LIN28B: variants seen among roughly 807,000 people sequenced by gnomAD.
LIN28B encodes protein lin-28 homolog B.
In LIN28B, 5 loss-of-function variants were observed where a neutral mutation model predicts 21.9. The ratio of observed to expected loss-of-function variants is 0.23; its 90% CI spans 0.12 to 0.48. The LOEUF (loss-of-function observed/expected upper bound fraction) is 0.48. Among genes scored for constraint, LIN28B ranks in the 20% least tolerant of loss-of-function variants. LIN28B has a pLI of 0.98. For missense variants in LIN28B, 245 were observed against 310.5 expected, an observed-to-expected ratio of 0.79 and a Z score of 1.58; for synonymous variants, 109 against 111.3, an observed-to-expected ratio of 0.98 and a Z score of 0.13.
rs548561695 is a variant in LIN28B, at chr6:104,969,505, C to G, written c.198+11219C>G. ...TCTTTATATTGGACATGTATAAAGC[C>G]TGCAGTATAAAAATGGGCACAATAG... On this transcript the variant is annotated intron_variant, in intron 2 of 3. Coordinates refer to ENST00000345080, the MANE Select transcript of LIN28B (RefSeq NM_001004317.4). Among the ~76,000 whole-genome samples the G allele has an allele frequency of 4.6e-5, 7 of 152,244 alleles. No homozygotes were observed. The East Asian group carries it at 1.3e-3, about 29-fold the overall frequency.
rs150565414 is a variant in LIN28B, at chr6:104,950,658, C to A, written c.67+149C>A. 8.3e-4 allele frequency: 343 copies of A among 414,318 alleles called. 1 individual carries two copies. The highest frequency in any genetic ancestry group is 6.3e-3 in the African/African-American group (308 of 48,974). 25.7% of individuals were successfully genotyped at this position (414,318 alleles called of 1,614,324 possible). On this transcript the variant is annotated intron_variant, in intron 3 of 5. Coordinates refer to the LIN28B transcript ENST00000635857. ...ACAGGTACCAAGTCCTCCTATACTT[C>A]GTCCTGATCACTCCATCTAAAAAAC... is the stretch of plus-strand genomic sequence containing the variant.
At chr6:104,998,179 T>G (rs1328409781) in intron 2 of LIN28B, among the ~76,000 whole-genome samples, 2 of 152,222 alleles carry the variant, frequency 1.3e-5, no homozygotes, top group Admixed American at 1.3e-4. Context: ...AAGAAGTGTT[T>G]CATGTTATAA....
chr6:105,016,027 A>C (rs553551636), intron 2 of LIN28B, among the ~76,000 whole-genome samples: 1 of 152,292 alleles, frequency 6.6e-6, no homozygotes, highest in Admixed American at 6.5e-5. Flanking sequence ...TCTACTTGAA[A>C]TATAGTATTA....
chr6:105,025,868 T>G (rs1771277318), intron 2 of LIN28B, among the ~76,000 whole-genome samples: 1 of 152,118 alleles, frequency 6.6e-6, no homozygotes, highest in African/African-American at 2.4e-5. Context: ...CATGTAGAAC[T>G]AATAAAACTT....
chr6:105,025,917 TTAA>T (rs751606118), intron 2 of LIN28B, among the ~76,000 whole-genome samples: 2 of 152,112 alleles, frequency 1.3e-5, no homozygotes, highest in Non-Finnish European at 1.5e-5. Context: ...TGCTATTATA[TTAA>T]TAATTTATTT....
chr6:105,052,215 G>A (rs541305230), intron 3 of LIN28B, among the ~76,000 whole-genome samples: 1 of 152,294 alleles, frequency 6.6e-6, no homozygotes, highest in Non-Finnish European at 1.5e-5. Flanking sequence ...CAAGATTAGG[G>A]CTGAGAAATT....
chr6:104,981,261 T>C (rs988924377), intron 2 of LIN28B, among the ~76,000 whole-genome samples: 9 of 152,170 alleles, frequency 5.9e-5, no homozygotes, highest in African/African-American at 2.2e-4. Context: ...CTCTTTCTGG[T>C]GTTAAAAGCT....
intron 3 of LIN28B, among the ~76,000 whole-genome samples, chr6:105,028,526 A>T (rs1582905264): frequency 6.6e-6 from 1 of 152,190 alleles, no homozygotes; most frequent in African/African-American, 2.4e-5. Context: ...GGAAGAGACC[A>T]TAGAATTTAC....
At chr6:105,038,823 A>C (rs145637470) in intron 3 of LIN28B, among the ~76,000 whole-genome samples, 15 of 152,326 alleles carry the variant, frequency 9.8e-5, no homozygotes, top group Non-Finnish European at 2.1e-4. Flanking sequence ...AAAAATATTC[A>C]CTGAAAAACT....
chr6:105,027,363 G>C (rs752651605), intron 3 of LIN28B, among the ~76,000 whole-genome samples: 4 of 152,014 alleles, frequency 2.6e-5, no homozygotes, highest in Non-Finnish European at 5.9e-5. Context: ...GTAGCTCATT[G>C]TTTGTTTGTG....
At chr6:104,967,547 C>T (rs1189130502) in intron 2 of LIN28B, among the ~76,000 whole-genome samples, 2 of 121,380 alleles carry the variant, frequency 1.6e-5, no homozygotes, top group South Asian at 5.4e-4. Flanking sequence ...TGCCATTGCA[C>T]TCCAGGCGAC....
At chr6:104,974,168 AGTT>A (rs1406463519) in intron 2 of LIN28B, among the ~76,000 whole-genome samples, 1 of 152,148 alleles carries the variant, frequency 6.6e-6, no homozygotes, top group African/African-American at 2.4e-5. Flanking sequence ...CTGTTTGTGA[AGTT>A]GGTTGTTTTC....
At chr6:104,942,705 T>C (rs1778111095) in intron 2 of LIN28B, among the ~76,000 whole-genome samples, 1 of 152,126 alleles carries the variant, frequency 6.6e-6, no homozygotes, top group South Asian at 2.1e-4. Flanking sequence ...AGCAATCCAG[T>C]GTGCTTAATT....
At chr6:105,048,890 A>G (rs1486376741) in intron 3 of LIN28B, among the ~76,000 whole-genome samples, 2 of 151,980 alleles carry the variant, frequency 1.3e-5, no homozygotes, top group Non-Finnish European at 1.5e-5. Flanking sequence ...TATTGCGTCT[A>G]TTTGATTCTT....
At chr6:105,037,333 C>G (rs1165350450) in intron 3 of LIN28B, among the ~76,000 whole-genome samples, 4 of 152,152 alleles carry the variant, frequency 2.6e-5, no homozygotes, top group African/African-American at 9.7e-5. Flanking sequence ...TAAGGATATG[C>G]AAGTCAAATT....
At chr6:105,057,760 A>G (rs944152388) in intron 3 of LIN28B, among the ~76,000 whole-genome samples, 26 of 152,268 alleles carry the variant, frequency 1.7e-4, no homozygotes, top group African/African-American at 6.0e-4. Flanking sequence ...TGGTTAAGGA[A>G]TATAGATAGT....
At chr6:105,072,864 AG>A (rs1287220721) in intron 3 of LIN28B, among the ~76,000 whole-genome samples, 1 of 152,198 alleles carries the variant, frequency 6.6e-6, no homozygotes, top group Non-Finnish European at 1.5e-5. Context: ...GACTCATCAA[AG>A]TTTCCTAACT....
chr6:105,070,574 C>G (rs889283439), intron 3 of LIN28B, among the ~76,000 whole-genome samples: 1 of 113,968 alleles, frequency 8.8e-6, no homozygotes, highest in Non-Finnish European at 1.9e-5. Context: ...TGGCAAAACT[C>G]TATCTCTATC....
At chr6:105,000,231 A>G (rs1283094112) in intron 2 of LIN28B, among the ~76,000 whole-genome samples, 1 of 152,146 alleles carries the variant, frequency 6.6e-6, no homozygotes, top group African/African-American at 2.4e-5. Context: ...TGGGTATAGA[A>G]GGAGCCATGT....
Sources: allele counts gnomAD v4.1 joint callset (sites outside exome capture counted in the v4.1 genomes callset), GRCh38; gene constraint gnomAD v4.1.1; transcripts MANE v1.5; gene names NCBI Gene and HGNC (gene_info 2026-07-23, HGNC 2026-07-21).